Variants in IREB2 observed in about 807,000 individuals in gnomAD.
IREB2 encodes the protein iron responsive element binding protein 2, also known as iron-responsive element-binding protein 2.
A neutral mutation model predicts 118.8 loss-of-function variants in IREB2; 39 were observed. That is an observed-to-expected ratio of 0.33 (90% CI 0.25 to 0.43). The LOEUF is 0.43. IREB2 is among the 20% of genes least tolerant of loss of function. The pLI, the probability that IREB2 is intolerant of heterozygous loss-of-function variation, is 1.00. For missense variants in IREB2, 900 were observed against 1,147.3 expected (o/e 0.78, Z 3.11); for synonymous variants, 372 against 392.2 (o/e 0.95, Z 0.61).
chr15:78,489,195 C>A (rs1404217901), intron 16 of IREB2, among the ~76,000 whole-genome samples: 1 of 150,802 alleles, frequency 6.6e-6, no homozygotes, highest in East Asian at 1.9e-4. Context: ...GCACTCCAGC[C>A]TGGGCAACAA....
chr15:78,494,122 G>T lies in IREB2; in HGVS notation c.2473-20G>T, dbSNP rs777241655. ...ATCAAAATTTGTATTAAAAAATTTT[G>T]TGTTTGTTTTAATCTACAGCTAGAT... On this transcript the variant is annotated intron_variant, in intron 19 of 21. Coordinates refer to ENST00000258886, the MANE Select transcript of IREB2 (RefSeq NM_004136.4). The T allele has an allele frequency of 6.2e-7, 1 of 1,612,726 alleles. No homozygotes were observed. Among genetic ancestry groups the T allele is most frequent in the Admixed American group, 1.7e-5 (1 of 59,604 alleles).
At chr15:78,443,848 A>G (rs1245085336) in intron 2 of IREB2, among the ~76,000 whole-genome samples, 3 of 151,802 alleles carry the variant, frequency 2.0e-5, no homozygotes, top group East Asian at 1.9e-4. Context: ...GTTTCGCCAT[A>G]TTAACAAGGC....
chr15:78,463,210 A>G, intron 3 of IREB2, 123 bp downstream of exon 3: 2 of 787,682 alleles, frequency 2.5e-6, no homozygotes, highest in Non-Finnish European at 4.0e-6. Flanking sequence ...AGGCCAAGGC[A>G]GGAAGATCAC....
intron 18 of IREB2, among the ~76,000 whole-genome samples, chr15:78,493,374 C>T (rs1300155569): frequency 6.6e-6 from 1 of 152,138 alleles, no homozygotes; most frequent in Non-Finnish European, 1.5e-5. Context: ...CAGTTTTCTG[C>T]ATCCTGTGAA....
intron 2 of IREB2, among the ~76,000 whole-genome samples, chr15:78,455,461 G>A (rs908627967): frequency 3.3e-5 from 5 of 152,058 alleles, no homozygotes; most frequent in African/African-American, 4.8e-5. Context: ...TGGACATAGT[G>A]TCTCCTGCCT....
chr15:78,492,743 A>G (rs1767496723), intron 18 of IREB2, among the ~76,000 whole-genome samples: 2 of 152,088 alleles, frequency 1.3e-5, no homozygotes, highest in South Asian at 4.1e-4. Flanking sequence ...AATTTTTTGT[A>G]GAGATGAGAT....
At chr15:78,473,420 A>T in intron 8 of IREB2, 39 bp downstream of exon 8, 1 of 1,563,574 alleles carries the variant, frequency 6.4e-7, no homozygotes, top group Non-Finnish European at 8.7e-7. Flanking sequence ...CTTACTGAAC[A>T]TTATTTTTAT....
intron 2 of IREB2, among the ~76,000 whole-genome samples, chr15:78,441,074 C>G (rs2050837442): frequency 6.6e-6 from 1 of 152,122 alleles, no homozygotes; most frequent in Non-Finnish European, 1.5e-5. Context: ...TTTTTTCTTG[C>G]ATTATTTAAT....
chr15:78,473,689 C>T (rs2051417512), intron 8 of IREB2: 1 of 235,276 alleles, frequency 4.3e-6, no homozygotes, highest in African/African-American at 2.3e-5. Flanking sequence ...GGTTTAGTGA[C>T]TTACCAAAGG....
chr15:78,492,229 C>T (rs890894369), intron 18 of IREB2, among the ~76,000 whole-genome samples: 7 of 152,036 alleles, frequency 4.6e-5, no homozygotes, highest in African/African-American at 1.7e-4. Context: ...TATATATGGT[C>T]ACTAATCCAG....
chr15:78,439,253 C>T (rs2050807516), intron 1 of IREB2, among the ~76,000 whole-genome samples: 1 of 152,020 alleles, frequency 6.6e-6, no homozygotes, highest in Non-Finnish European at 1.5e-5. Context: ...CAGTACTAAG[C>T]CCTGGTAAGG....
rs373228095 is a variant in IREB2, at chr15:78,488,346, C to T, written c.1951+10C>T. The T allele has an allele frequency of 1.3e-5, 21 of 1,571,650 alleles. No individual in the cohort carries two copies. The African/African-American group carries it at 2.9e-4, about 22-fold the overall frequency. ...CAGACAGAACCTTTAGGTATCTTTT[C>T]CTTTATGTATATGTATACCTACACA... On this transcript the variant is annotated intron_variant, in intron 15 of 21. Coordinates refer to ENST00000258886, the MANE Select transcript of IREB2 (RefSeq NM_004136.4).
chr15:78,486,916 C>T (rs1231864138), intron 13 of IREB2, among the ~76,000 whole-genome samples: 3 of 152,044 alleles, frequency 2.0e-5, no homozygotes, highest in Non-Finnish European at 2.9e-5. Context: ...GTGATCGGCT[C>T]GTCTTGGCCC....
intron 10 of IREB2, among the ~76,000 whole-genome samples, chr15:78,481,366 C>CT (rs796838049): frequency 0.014 from 2,122 of 147,614 alleles, 40 homozygotes; most frequent in African/African-American, 0.045. Flanking sequence ...CCATGCCCGG[C>CT]TTTTTTTTTT....
intron 2 of IREB2, among the ~76,000 whole-genome samples, chr15:78,460,404 A>G (rs1370721164): frequency 6.6e-6 from 1 of 152,210 alleles, no homozygotes; most frequent in Non-Finnish European, 1.5e-5. Flanking sequence ...ATTGGTGATC[A>G]ATGAAAGGTT....
chr15:78,492,148 A>C (rs556646886), intron 18 of IREB2, among the ~76,000 whole-genome samples: 1 of 152,314 alleles, frequency 6.6e-6, no homozygotes, highest in East Asian at 1.9e-4. Flanking sequence ...TAAAAGACCA[A>C]ATCAGAGGCT....
chr15:78,455,654 C>G (rs2051094051), intron 2 of IREB2, among the ~76,000 whole-genome samples: 1 of 152,014 alleles, frequency 6.6e-6, no homozygotes, highest in Non-Finnish European at 1.5e-5. Context: ...TGTAACTCTT[C>G]TACTGGAATA....
intron 2 of IREB2, among the ~76,000 whole-genome samples, chr15:78,460,001 G>T (rs2568483): frequency 6.6e-6 from 1 of 152,154 alleles, no homozygotes; most frequent in Non-Finnish European, 1.5e-5. Flanking sequence ...TTGCAAGATA[G>T]TAAGTGTTCT....
At chr15:78,457,568 A>G (rs547381354) in intron 2 of IREB2, among the ~76,000 whole-genome samples, 1 of 151,860 alleles carries the variant, frequency 6.6e-6, no homozygotes, top group South Asian at 2.1e-4. Context: ...AGCTTTTAAC[A>G]CTCCTCATAA....
Sources: gnomAD v4.1 joint callset for allele counts (sites outside exome capture counted in the v4.1 genomes callset) on GRCh38, gnomAD v4.1.1 for gene constraint, MANE v1.5 for transcripts, NCBI Gene and HGNC (gene_info 2026-07-23, HGNC 2026-07-21) for gene names.